ZNF385D: variants seen among roughly 807,000 people sequenced by gnomAD.
The protein encoded by ZNF385D is zinc finger protein 659.
A neutral mutation model predicts 35.8 loss-of-function variants in ZNF385D; 15 were observed. The ratio of observed to expected loss-of-function variants is 0.42; its 90% CI spans 0.28 to 0.64. The LOEUF (loss-of-function observed/expected upper bound fraction) is 0.64. ZNF385D is among the 30% of genes least tolerant of loss of function. ZNF385D has a pLI of 0.23. For synonymous variants in ZNF385D, 212 were observed against 186.8 expected (o/e 1.13, Z -1.10); for missense variants, 474 against 494.6 (o/e 0.96, Z 0.39).
At chr3:21,969,119 G>GGTCATTTT (rs1703085976) in intron 3 of ZNF385D, among the ~76,000 whole-genome samples, 2 of 152,130 alleles carry the variant, frequency 1.3e-5, no homozygotes, top group Admixed American at 1.3e-4. Flanking sequence ...CATAGGGAGA[G>GGTCATTTT]ACTCCTCTGC....
intron 3 of ZNF385D, among the ~76,000 whole-genome samples, chr3:22,160,772 G>C (rs988791382): frequency 1.3e-5 from 2 of 152,064 alleles, no homozygotes; most frequent in South Asian, 2.1e-4. Flanking sequence ...AATAAAAATA[G>C]GAAACCAGGC....
chr3:21,592,742 A>C (rs1207095077), intron 2 of ZNF385D, among the ~76,000 whole-genome samples: 5 of 152,206 alleles, frequency 3.3e-5, no homozygotes, highest in Admixed American at 3.3e-4. Context: ...AGCAACAGGT[A>C]CATTTCAAGA....
At position 21,712,849 on chromosome 3, in the gene ZNF385D, T is replaced by C. The variant is rs570405980; in HGVS notation, c.22+38046A>G. Reference sequence around the variant, plus strand: ...ACAAGCTTTCTGCCTTTACTGTCAGTGAATTAATTCCTTCTCCATTTATCC... The same window carrying C: ...ACAAGCTTTCTGCCTTTACTGTCAGCGAATTAATTCCTTCTCCATTTATCC... On this transcript the variant is annotated intron_variant, in intron 1 of 7. Transcript: ENST00000281523. Among the ~76,000 whole-genome samples, 3 of 152,352 alleles carry C rather than the reference T, an allele frequency of 2.0e-5. No individual in the cohort carries two copies. The South Asian group carries it at 6.2e-4, about 32-fold the overall frequency.
intron 1 of ZNF385D, among the ~76,000 whole-genome samples, chr3:21,725,273 C>G (rs1428411601): frequency 1.3e-5 from 2 of 152,032 alleles, no homozygotes; most frequent in African/African-American, 4.8e-5. Context: ...ATTAAAAGAA[C>G]TAGAGAAACA....
chr3:21,818,880 T>C (rs1041766662), intron 3 of ZNF385D, among the ~76,000 whole-genome samples: 3 of 151,934 alleles, frequency 2.0e-5, no homozygotes, highest in African/African-American at 4.8e-5. Flanking sequence ...GATGAAGAAA[T>C]GAGCAAAGAA....
At chr3:21,561,152 T>C (rs2062931569) in intron 3 of ZNF385D, among the ~76,000 whole-genome samples, 1 of 151,998 alleles carries the variant, frequency 6.6e-6, no homozygotes. Context: ...GGGGAGTGAA[T>C]GGTTCTGTCT....
intron 2 of ZNF385D, among the ~76,000 whole-genome samples, chr3:21,585,174 T>A (rs957880658): frequency 1.3e-5 from 2 of 152,152 alleles, no homozygotes. Flanking sequence ...ATCAATAAAG[T>A]TTGCAGGTAA....
chr3:21,768,878 T>A (rs899327730), intron 3 of ZNF385D, among the ~76,000 whole-genome samples: 1 of 150,978 alleles, frequency 6.6e-6, no homozygotes, highest in Non-Finnish European at 1.5e-5. Flanking sequence ...TATTTCTTCT[T>A]TTTGGAGTCA....
chr3:22,182,259 A>G (rs1489809880), intron 2 of ZNF385D, among the ~76,000 whole-genome samples: 4 of 152,178 alleles, frequency 2.6e-5, no homozygotes, highest in African/African-American at 9.7e-5. Context: ...ATTTCCAAGG[A>G]AAAATATTTG....
chr3:21,590,871 T>C (rs2063954835), intron 2 of ZNF385D, among the ~76,000 whole-genome samples: 1 of 152,148 alleles, frequency 6.6e-6, no homozygotes, highest in African/African-American at 2.4e-5. Context: ...TATTACATGC[T>C]GGACCTGGTA....
At chr3:21,743,675 C>T (rs1205983599) in intron 1 of ZNF385D, among the ~76,000 whole-genome samples, 1 of 152,174 alleles carries the variant, frequency 6.6e-6, no homozygotes, top group South Asian at 2.1e-4. Context: ...ACCCAAATGG[C>T]TTCATCTAAA....
intron 3 of ZNF385D, among the ~76,000 whole-genome samples, chr3:22,000,339 G>A (rs1411717155): frequency 6.6e-6 from 1 of 151,906 alleles, no homozygotes; most frequent in Non-Finnish European, 1.5e-5. Flanking sequence ...GCACATTGTA[G>A]TTAAACCGTC....
chr3:21,736,524 T>C (rs2069250475), intron 1 of ZNF385D, among the ~76,000 whole-genome samples: 1 of 152,212 alleles, frequency 6.6e-6, no homozygotes, highest in Admixed American at 6.5e-5. Flanking sequence ...TCAGAGATCT[T>C]TCAAGGATCA....
intron 3 of ZNF385D, among the ~76,000 whole-genome samples, chr3:21,895,950 T>C (rs1699113405): frequency 1.3e-5 from 2 of 152,158 alleles, no homozygotes; most frequent in African/African-American, 2.4e-5. Context: ...CTTTTTAAAA[T>C]GTCAAATGAT....
chr3:22,253,594 T>A (rs887222037), intron 2 of ZNF385D, among the ~76,000 whole-genome samples: 3 of 151,958 alleles, frequency 2.0e-5, no homozygotes, highest in Admixed American at 6.6e-5. Context: ...GACTCACCAA[T>A]GACAAGATTC....
At chr3:22,137,843 T>A (rs1222791334) in intron 3 of ZNF385D, among the ~76,000 whole-genome samples, 1 of 151,780 alleles carries the variant, frequency 6.6e-6, no homozygotes, top group African/African-American at 2.4e-5. Context: ...GAGAAGGAAA[T>A]AAAGGGTATT....
At chr3:22,237,729 C>T (rs775031777) in intron 2 of ZNF385D, among the ~76,000 whole-genome samples, 27 of 152,078 alleles carry the variant, frequency 1.8e-4, no homozygotes, top group Non-Finnish European at 2.9e-4. Flanking sequence ...CTAGAACCTC[C>T]GCCTCACAGG....
At position 22,065,969 on chromosome 3, in the gene ZNF385D, C is replaced by T. The variant is rs147834152; in HGVS notation, c.325+102848G>A. On this transcript the variant is annotated intron_variant, in intron 3 of 5. Transcript: ENST00000494108. ...CAGTATCTGAGGCTCAGTTTTGACA[C>T]TGGACCACCTAAGGATTATTTATTC... is the stretch of plus-strand genomic sequence containing the variant. Among the ~76,000 whole-genome samples the T allele has an allele frequency of 1.1e-3, 173 of 152,138 alleles. 1 individual carries two copies. The highest frequency in any genetic ancestry group is 3.7e-3 in the African/African-American group (155 of 41,506).
chr3:22,351,479 G>A (rs1217681482), intron 2 of ZNF385D, among the ~76,000 whole-genome samples: 1 of 152,022 alleles, frequency 6.6e-6, no homozygotes, highest in Non-Finnish European at 1.5e-5. Context: ...CAGCTGTCTG[G>A]AAAATACTTT....
Sources: allele counts gnomAD v4.1 joint callset (sites outside exome capture counted in the v4.1 genomes callset), GRCh38; gene constraint gnomAD v4.1.1; transcripts MANE v1.5; gene names NCBI Gene and HGNC (gene_info 2026-07-23, HGNC 2026-07-21).